The following SYNPR variants were observed in gnomAD, a reference collection of about 807,000 sequenced individuals.
SYNPR encodes synaptoporin.
A neutral mutation model predicts 32.9 loss-of-function variants in SYNPR; 23 were observed. That is an observed-to-expected ratio of 0.70 (90% CI 0.50 to 0.99). The LOEUF (loss-of-function observed/expected upper bound fraction) is 0.99, where lower values mean the gene tolerates loss of function less well. Ranked by LOEUF, SYNPR falls within the 50% of genes least tolerant of loss-of-function variation. The probability of loss-of-function intolerance (pLI) is 0.00; values close to 1 mark genes in which losing one functional copy is unlikely to be tolerated. For missense variants in SYNPR, 318 were observed against 349.3 expected, an observed-to-expected ratio of 0.91 and a Z score of 0.71; for synonymous variants, 146 against 135.9, an observed-to-expected ratio of 1.07 and a Z score of -0.52.
At position 63,480,975 on chromosome 3, in the gene SYNPR, T is replaced by C. The variant is rs1701035779; in HGVS notation, c.209+19T>C. On this transcript the variant is annotated intron_variant, in intron 3 of 5. Coordinates refer to ENST00000478300, the MANE Select transcript of SYNPR (RefSeq NM_001130003.2). ...CATTCAGGTAGGGAATGGTGGTTCATGCTTGTTAGCCTCACAGGGGGTTAT... is the reference window on the plus strand; with the variant it reads ...CATTCAGGTAGGGAATGGTGGTTCACGCTTGTTAGCCTCACAGGGGGTTAT... 3 of 1,607,004 alleles carry C rather than the reference T, an allele frequency of 1.9e-6. No homozygotes were observed. The highest frequency in any genetic ancestry group is 1.7e-4 in the Middle Eastern group (1 of 6,042).
intron 2 of SYNPR, among the ~76,000 whole-genome samples, chr3:63,444,548 T>A (rs1700237909): frequency 6.6e-6 from 1 of 152,090 alleles, no homozygotes; most frequent in Non-Finnish European, 1.5e-5. Context: ...CAAGACGAGG[T>A]CTGACTATAC....
intron 2 of SYNPR, among the ~76,000 whole-genome samples, chr3:63,442,014 C>T (rs1700187154): frequency 6.6e-6 from 1 of 152,154 alleles, no homozygotes; most frequent in Non-Finnish European, 1.5e-5. Flanking sequence ...AGGACTAGAA[C>T]CCAAGTTGCC....
chr3:63,582,707 G>A (rs1703112464), intron 4 of SYNPR, among the ~76,000 whole-genome samples: 1 of 152,050 alleles, frequency 6.6e-6, no homozygotes, highest in African/African-American at 2.4e-5. Context: ...TCACAGTAAG[G>A]CATAATCTCA....
intron 2 of SYNPR, among the ~76,000 whole-genome samples, chr3:63,426,488 G>A (rs1210086463): frequency 1.3e-5 from 2 of 152,194 alleles, no homozygotes; most frequent in Non-Finnish European, 2.9e-5. Flanking sequence ...GCAATGGGGG[G>A]TATGGGAGTT....
At chr3:63,587,175 G>C (rs1357058009) in intron 4 of SYNPR, among the ~76,000 whole-genome samples, 2 of 151,980 alleles carry the variant, frequency 1.3e-5, no homozygotes, top group Admixed American at 1.3e-4. Context: ...AAATGTCATT[G>C]GCCGTGACTA....
intron 1 of SYNPR, among the ~76,000 whole-genome samples, chr3:63,245,741 ATG>A (rs61623224): frequency 0.017 from 1,453 of 86,838 alleles, 13 homozygotes; most frequent in East Asian, 0.076. Context: ...GTGTGTGTGT[ATG>A]TGTGTGTGTG....
chr3:63,431,591 T>C lies in SYNPR; in HGVS notation c.85-49241T>C, dbSNP rs375767914. Reference sequence around the variant, plus strand: ...TTTTGAAGGAAAAGTAGAGTCATGGTTGGCCAAGGAGAGAAGCAAAGCATT... The same window carrying C: ...TTTTGAAGGAAAAGTAGAGTCATGGCTGGCCAAGGAGAGAAGCAAAGCATT... On this transcript the variant is annotated intron_variant, in intron 2 of 5. Coordinates refer to ENST00000478300, the MANE Select transcript of SYNPR (RefSeq NM_001130003.2). Among the ~76,000 whole-genome samples, 4 of 152,108 alleles carry C rather than the reference T, an allele frequency of 2.6e-5. No homozygotes were observed. The East Asian group carries it at 5.8e-4, about 22-fold the overall frequency.
chr3:63,489,137 A>G (rs1440122682), intron 3 of SYNPR, among the ~76,000 whole-genome samples: 1 of 152,178 alleles, frequency 6.6e-6, no homozygotes, highest in Non-Finnish European at 1.5e-5. Context: ...GACATGAGAC[A>G]GGGAAGGGAA....
Position 63,579,100 on chromosome 3 carries a change from T to C in SYNPR, c.408+22359T>C, listed in dbSNP as rs545933199. ...GTTCAACTGCAATTTCCTACTGGTT[T>C]TCTCCTTCCCTCAAATCCAATTTCC... is the stretch of plus-strand genomic sequence containing the variant. On this transcript the variant is annotated intron_variant, in intron 4 of 5. Transcript: ENST00000478300. Among the ~76,000 whole-genome samples the C allele has an allele frequency of 3.3e-5, 5 of 152,262 alleles. No homozygotes were observed. In the South Asian group the frequency reaches 8.3e-4, roughly 25 times the overall value.
chr3:63,520,816 A>G (rs1701898037), intron 3 of SYNPR, among the ~76,000 whole-genome samples: 2 of 152,264 alleles, frequency 1.3e-5, no homozygotes, highest in South Asian at 4.2e-4. Context: ...GGCCCTGTCT[A>G]CCCTGCAGGG....
At position 63,286,888 on chromosome 3, in the gene SYNPR, T is replaced by C. The variant is rs548556960; in HGVS notation, c.84+8146T>C. On this transcript the variant is annotated intron_variant, in intron 2 of 5. Transcript: ENST00000478300. ...CTATCCTTCTAAAGTAAATGATAAT[T>C]GTGACCATGATGATGGTGATGATAA... Among the ~76,000 whole-genome samples, 5 of 152,252 alleles carry C rather than the reference T, an allele frequency of 3.3e-5. No individual in the cohort carries two copies. The South Asian group carries it at 6.2e-4, about 19-fold the overall frequency.
At chr3:63,598,472 C>T (rs1699993226) in intron 4 of SYNPR, among the ~76,000 whole-genome samples, 1 of 152,196 alleles carries the variant, frequency 6.6e-6, no homozygotes, top group Non-Finnish European at 1.5e-5. Flanking sequence ...GAAGCTGTTT[C>T]TTGGTTCACT....
At chr3:63,513,689 A>G (rs543055998) in intron 3 of SYNPR, among the ~76,000 whole-genome samples, 2 of 152,250 alleles carry the variant, frequency 1.3e-5, no homozygotes, top group South Asian at 4.1e-4. Context: ...GCCTCCCAAA[A>G]GATATATTCC....
chr3:63,419,211 C>T (rs1204046558), intron 2 of SYNPR, among the ~76,000 whole-genome samples: 1 of 152,162 alleles, frequency 6.6e-6, no homozygotes, highest in South Asian at 2.1e-4. Context: ...TGGACTCAGC[C>T]CACCTGAGTT....
intron 2 of SYNPR, among the ~76,000 whole-genome samples, chr3:63,310,774 T>G (rs1399078100): frequency 1.3e-5 from 2 of 151,948 alleles, no homozygotes; most frequent in Non-Finnish European, 1.5e-5. Flanking sequence ...GAACAAGGTG[T>G]GGAGCCCTAT....
chr3:63,339,750 C>T (rs961964070), intron 2 of SYNPR, among the ~76,000 whole-genome samples: 8 of 151,886 alleles, frequency 5.3e-5, no homozygotes, highest in African/African-American at 1.5e-4. Flanking sequence ...CTCCACTTCA[C>T]GGGCTCAGAG....
chr3:63,595,833 T>TATAAAATTTTA (rs1699944158), intron 4 of SYNPR, among the ~76,000 whole-genome samples: 1 of 56,320 alleles, frequency 1.8e-5, no homozygotes, highest in East Asian at 4.9e-4. Context: ...ATATATATAG[T>TATAAAATTTTA]TATATATATA....
intron 2 of SYNPR, among the ~76,000 whole-genome samples, chr3:63,259,190 G>A (rs1282556067): frequency 6.6e-6 from 1 of 152,098 alleles, no homozygotes; most frequent in African/African-American, 2.4e-5. Context: ...CCAACCAACA[G>A]AAAAAGACGG....
intron 2 of SYNPR, among the ~76,000 whole-genome samples, chr3:63,394,507 T>G (rs1345175233): frequency 2.6e-5 from 4 of 152,340 alleles, no homozygotes; most frequent in Middle Eastern, 3.4e-3. Context: ...TGTATTTGCT[T>G]TCTTAAGAAT....
Sources: gnomAD v4.1 joint callset for allele counts (sites outside exome capture counted in the v4.1 genomes callset) on GRCh38, gnomAD v4.1.1 for gene constraint, MANE v1.5 for transcripts, NCBI Gene and HGNC (gene_info 2026-07-23, HGNC 2026-07-21) for gene names.